Variants in SGCZ observed in about 807,000 individuals in gnomAD.
SGCZ encodes sarcoglycan zeta.
A neutral mutation model predicts 41.3 loss-of-function variants in SGCZ; 40 were observed. The ratio of observed to expected loss-of-function variants is 0.97; its 90% CI spans 0.75 to 1.26. The LOEUF (loss-of-function observed/expected upper bound fraction) is 1.26. Ranked by LOEUF, SGCZ falls within the 50% of genes most tolerant of loss-of-function variation. The pLI, the probability that SGCZ is intolerant of heterozygous loss-of-function variation, is 0.00. For synonymous variants in SGCZ, 206 were observed against 137.5 expected, an observed-to-expected ratio of 1.50 and a Z score of -3.49; for missense variants, 552 against 369.8, an observed-to-expected ratio of 1.49 and a Z score of -4.04.
rs147235959 is a variant in SGCZ, at chr8:15,237,609, C to T, written c.15G>A (p.Thr5=). The T allele has an allele frequency of 1.1e-4, 170 of 1,589,392 alleles. 1 individual carries two copies. The highest frequency in any genetic ancestry group is 2.3e-5 in the Non-Finnish European group (27 of 1,166,094). The change falls in exon 1 of 8, where the codon ACG becomes ACA. Residue 5 remains threonine, a synonymous_variant. Coordinates refer to ENST00000382080, the MANE Select transcript of SGCZ (RefSeq NM_139167.4). MDRS[T]NLDIEELKMT... ...CCTTGAGCTCCTCAATGTCCAGGTT[C>T]GTTGATCTGTCCATGGAGCGCAACT...
intron 1 of SGCZ, among the ~76,000 whole-genome samples, chr8:14,687,114 T>G (rs1808634275): frequency 6.7e-6 from 1 of 150,172 alleles, no homozygotes; most frequent in South Asian, 2.1e-4. Flanking sequence ...AATGTAATTA[T>G]GAAACCTTAA....
chr8:14,256,787 A>G (rs893603641), intron 3 of SGCZ, among the ~76,000 whole-genome samples: 9 of 152,194 alleles, frequency 5.9e-5, no homozygotes, highest in African/African-American at 1.9e-4. Flanking sequence ...TGAGTTATCA[A>G]CTTTCCGGGT....
intron 4 of SGCZ, among the ~76,000 whole-genome samples, chr8:14,204,280 GT>G (rs11384632): frequency 4.1e-4 from 60 of 146,362 alleles, no homozygotes; most frequent in Admixed American, 1.2e-3. Flanking sequence ...CACTCTGAAT[GT>G]TTTTTTTTTT....
chr8:15,138,594 G>A (rs1283630989), intron 1 of SGCZ, among the ~76,000 whole-genome samples: 1 of 152,112 alleles, frequency 6.6e-6, no homozygotes, highest in African/African-American at 2.4e-5. Context: ...CACAAGATCT[G>A]GTGGTTTTAT....
intron 2 of SGCZ, among the ~76,000 whole-genome samples, chr8:14,373,605 A>G (rs1803992243): frequency 6.6e-6 from 1 of 152,324 alleles, no homozygotes; most frequent in African/African-American, 2.4e-5. Context: ...AAACAAAATC[A>G]AAAACAATTT....
chr8:14,989,214 CA>C (rs2130891196), intron 1 of SGCZ, among the ~76,000 whole-genome samples: 1 of 152,194 alleles, frequency 6.6e-6, no homozygotes, highest in Non-Finnish European at 1.5e-5. Flanking sequence ...AACACATATT[CA>C]AAATGGTGTC....
intron 2 of SGCZ, among the ~76,000 whole-genome samples, chr8:14,428,285 A>G (rs182506742): frequency 6.6e-6 from 1 of 151,736 alleles, no homozygotes; most frequent in Admixed American, 6.6e-5. Flanking sequence ...AAACGTTCAT[A>G]TACATTTATC....
At chr8:14,400,969 C>T (rs1189250315) in intron 2 of SGCZ, among the ~76,000 whole-genome samples, 1 of 151,988 alleles carries the variant, frequency 6.6e-6, no homozygotes, top group African/African-American at 2.4e-5. Flanking sequence ...AAAATCAAAC[C>T]ATAATATGTG....
At chr8:14,989,475 G>T (rs571660882) in intron 1 of SGCZ, among the ~76,000 whole-genome samples, 7 of 152,206 alleles carry the variant, frequency 4.6e-5, no homozygotes, top group African/African-American at 1.7e-4. Flanking sequence ...GATAAAGCAA[G>T]ACCAGTCCTC....
chr8:14,823,628 G>T (rs1336058414), intron 1 of SGCZ, among the ~76,000 whole-genome samples: 7 of 152,080 alleles, frequency 4.6e-5, no homozygotes, highest in African/African-American at 2.4e-5. Context: ...ACTGTTCTTG[G>T]GACTGTAAAC....
At chr8:14,566,899 C>G (rs1252656494) in intron 1 of SGCZ, among the ~76,000 whole-genome samples, 1 of 152,158 alleles carries the variant, frequency 6.6e-6, no homozygotes, top group Non-Finnish European at 1.5e-5. Flanking sequence ...CGGCTGTGGG[C>G]TCGGCAGGCC....
intron 1 of SGCZ, among the ~76,000 whole-genome samples, chr8:15,172,626 C>T (rs1469484226): frequency 3.3e-5 from 5 of 152,014 alleles, no homozygotes; most frequent in Non-Finnish European, 4.4e-5. Flanking sequence ...AACGAAATAC[C>T]AAAGAAACTC....
intron 1 of SGCZ, among the ~76,000 whole-genome samples, chr8:15,155,252 G>A (rs142919112): frequency 0.011 from 1,676 of 152,214 alleles, 32 homozygotes; most frequent in African/African-American, 0.036. Context: ...CTGAGATCAC[G>A]CCATTGCACT....
intron 2 of SGCZ, among the ~76,000 whole-genome samples, chr8:14,530,099 T>G (rs1462278703): frequency 1.3e-5 from 2 of 151,986 alleles, no homozygotes; most frequent in Non-Finnish European, 2.9e-5. Flanking sequence ...ATTTCCACAT[T>G]TTCCAGTATA....
chr8:14,666,539 C>A (rs1807916014), intron 1 of SGCZ, among the ~76,000 whole-genome samples: 1 of 152,156 alleles, frequency 6.6e-6, no homozygotes, highest in Admixed American at 6.5e-5. Context: ...TCAATTACAT[C>A]TTATCAGCAC....
intron 2 of SGCZ, among the ~76,000 whole-genome samples, chr8:14,425,529 G>C (rs976100289): frequency 6.6e-6 from 1 of 151,924 alleles, no homozygotes; most frequent in Non-Finnish European, 1.5e-5. Flanking sequence ...GCTGAGGCAG[G>C]AGAACTGCTT....
intron 3 of SGCZ, among the ~76,000 whole-genome samples, chr8:14,265,688 G>T (rs28890207): frequency 0.04 from 6,094 of 150,972 alleles, 186 homozygotes; most frequent in African/African-American, 0.083. Context: ...ACAGTAAAAA[G>T]GTTAAGCAAA....
intron 3 of SGCZ, among the ~76,000 whole-genome samples, chr8:14,269,088 CTT>C (rs1392059043): frequency 6.6e-6 from 1 of 151,932 alleles, no homozygotes; most frequent in Non-Finnish European, 1.5e-5. Context: ...GTGTTTCACT[CTT>C]GTATATTCTC....
chr8:14,257,949 A>G (rs1252834722), intron 3 of SGCZ, among the ~76,000 whole-genome samples: 1 of 152,200 alleles, frequency 6.6e-6, no homozygotes, highest in Non-Finnish European at 1.5e-5. Context: ...CCAATTCAAG[A>G]TCAATAAATG....
Sources: allele counts gnomAD v4.1 joint callset (sites outside exome capture counted in the v4.1 genomes callset), GRCh38; gene constraint gnomAD v4.1.1; transcripts MANE v1.5; gene names NCBI Gene and HGNC (gene_info 2026-07-23, HGNC 2026-07-21).